Variants in GRK3 observed in about 807,000 individuals in gnomAD.
The protein encoded by GRK3 is G protein-coupled receptor kinase 3.
GRK3 carries 54 observed loss-of-function variants against 95.7 expected under a neutral mutation model. That is an observed-to-expected ratio of 0.56 (90% CI 0.45 to 0.71). The LOEUF (loss-of-function observed/expected upper bound fraction) is 0.71, where lower values mean the gene tolerates loss of function less well. Among genes scored for constraint, GRK3 ranks in the 30% least tolerant of loss-of-function variants. The probability of loss-of-function intolerance (pLI) is 0.00; values close to 1 mark genes in which losing one functional copy is unlikely to be tolerated. For missense variants in GRK3, 649 were observed against 851.2 expected (o/e 0.76, Z 2.96); for synonymous variants, 281 against 290.8 (o/e 0.97, Z 0.34).
intron 13 of GRK3, among the ~76,000 whole-genome samples, chr22:25,695,582 C>T (rs1270260099): frequency 6.6e-5 from 10 of 152,102 alleles, no homozygotes; most frequent in Admixed American, 6.5e-4. Flanking sequence ...ATTAATTATT[C>T]ATCATCTTGA....
chr22:25,699,901 T>G (rs1274085809), intron 13 of GRK3, among the ~76,000 whole-genome samples: 1 of 152,076 alleles, frequency 6.6e-6, no homozygotes, highest in Non-Finnish European at 1.5e-5. Context: ...GGCATCACTG[T>G]GTTAGCCAGG....
At chr22:25,619,649 AGTTT>A (rs1341041113) in intron 2 of GRK3, among the ~76,000 whole-genome samples, 15 of 127,064 alleles carry the variant, frequency 1.2e-4, no homozygotes, top group African/African-American at 4.3e-4. Context: ...ATACCTGGCT[AGTTT>A]TTTTTTTTTT....
intron 10 of GRK3, among the ~76,000 whole-genome samples, chr22:25,686,182 A>G (rs1405435047): frequency 6.6e-6 from 1 of 151,782 alleles, no homozygotes; most frequent in Non-Finnish European, 1.5e-5. Context: ...AGATTACGCC[A>G]CTGCACTCCA....
At chr22:25,609,320 G>A (rs2084477106) in intron 2 of GRK3, among the ~76,000 whole-genome samples, 1 of 151,764 alleles carries the variant, frequency 6.6e-6, no homozygotes, top group Non-Finnish European at 1.5e-5. Context: ...ACTATAAGAA[G>A]ACTCCAAAAC....
rs2085453537 is a variant in GRK3, at chr22:25,723,850, G to A, written c.*1400G>A. On this transcript the variant is annotated 3_prime_UTR_variant, in exon 21 of 21. Coordinates refer to ENST00000324198, the MANE Select transcript of GRK3 (RefSeq NM_005160.4). ...ATCTTTGTTTTTGTATTTGTTTGCT[G>A]TGTTCATGGGCAAAGTAAGTACTTT... 1.3e-5 allele frequency: 2 copies of A among 151,888 alleles called. No individual in the cohort carries two copies. The highest frequency in any genetic ancestry group is 4.8e-5 in the African/African-American group (2 of 41,420). The allele number at this position is 151,888 out of a possible 1,614,324, so 9.4% of individuals were successfully genotyped here. A position where few individuals can be genotyped will look rare whatever the true frequency, so the allele number is the denominator to read the frequency against.
intron 3 of GRK3, among the ~76,000 whole-genome samples, chr22:25,653,736 C>G (rs2084850460): frequency 6.6e-6 from 1 of 152,100 alleles, no homozygotes; most frequent in African/African-American, 2.4e-5. Context: ...CTCTGTTGCC[C>G]AGGCAATGCA....
At chr22:25,566,478 G>A (rs1931491337) in intron 1 of GRK3, among the ~76,000 whole-genome samples, 2 of 152,166 alleles carry the variant, frequency 1.3e-5, no homozygotes, top group Non-Finnish European at 2.9e-5. Flanking sequence ...ATGAAGACAT[G>A]CTTGCTAGGT....
At chr22:25,670,894 A>G (rs1442846304) in intron 6 of GRK3, among the ~76,000 whole-genome samples, 2 of 149,722 alleles carry the variant, frequency 1.3e-5, no homozygotes, top group African/African-American at 4.9e-5. Flanking sequence ...AAAAAAAAAA[A>G]AAAAAAAAAA....
intron 20 of GRK3, 76 bp downstream of exon 20, chr22:25,721,473 C>T: frequency 1.2e-6 from 1 of 835,938 alleles, no homozygotes; most frequent in Non-Finnish European, 2.0e-6. Flanking sequence ...GTCTATAAAA[C>T]ATTTTCTTAT....
chr22:25,697,561 C>T (rs1444684168), intron 13 of GRK3, among the ~76,000 whole-genome samples: 9 of 152,152 alleles, frequency 5.9e-5, no homozygotes, highest in African/African-American at 2.2e-4. Flanking sequence ...ATGATGGCCT[C>T]CGTGGGAAGA....
intron 1 of GRK3, among the ~76,000 whole-genome samples, chr22:25,587,516 C>T (rs1210372362): frequency 2.0e-5 from 3 of 152,172 alleles, no homozygotes; most frequent in East Asian, 1.9e-4. Flanking sequence ...GCAATCTCTG[C>T]CTCCCAGGCT....
At chr22:25,629,232 A>G (rs75410033) in intron 2 of GRK3, among the ~76,000 whole-genome samples, 3,402 of 152,292 alleles carry the variant, frequency 0.022, 60 homozygotes, top group Middle Eastern at 0.068. Flanking sequence ...AAGGTGTAGC[A>G]GGTGTTAACC....
At chr22:25,608,016 G>A (rs371684550) in intron 2 of GRK3, among the ~76,000 whole-genome samples, 3,000 of 151,590 alleles carry the variant, frequency 0.02, 47 homozygotes, top group Non-Finnish European at 0.028. Flanking sequence ...TGTGTACGTC[G>A]TAGCAGGAGG....
chr22:25,651,502 T>C (rs1197342538), intron 3 of GRK3, among the ~76,000 whole-genome samples: 4 of 152,232 alleles, frequency 2.6e-5, no homozygotes, highest in Non-Finnish European at 5.9e-5. Context: ...CTGCTTAGTA[T>C]TGACTCTCTA....
chr22:25,628,893 C>T (rs1569170319), intron 2 of GRK3, among the ~76,000 whole-genome samples: 1 of 152,102 alleles, frequency 6.6e-6, no homozygotes, highest in Non-Finnish European at 1.5e-5. Context: ...TTCTTAACAG[C>T]CGTGGCCCAG....
Position 25,581,889 on chromosome 22 carries a change from G to A in GRK3, c.113+16736G>A, listed in dbSNP as rs1376983761. Among the ~76,000 whole-genome samples, 5 of 151,718 alleles carry A rather than the reference G, an allele frequency of 3.3e-5. No homozygotes were observed. In the East Asian group the frequency reaches 9.7e-4, roughly 29 times the overall value. ...TCCATGCCTAATGAAACCTTGCAAT[G>A]TAAGTCTCTCTTATTAAAATTATGT... On this transcript the variant is annotated intron_variant, in intron 1 of 20. Coordinates refer to ENST00000324198, the MANE Select transcript of GRK3 (RefSeq NM_005160.4).
intron 13 of GRK3, among the ~76,000 whole-genome samples, chr22:25,703,284 G>T (rs2085272601): frequency 1.3e-5 from 2 of 152,196 alleles, no homozygotes; most frequent in Admixed American, 6.5e-5. Context: ...CAAGTTCACT[G>T]AAGTGAGATT....
chr22:25,643,406 A>G (rs575547263), intron 2 of GRK3, among the ~76,000 whole-genome samples: 6 of 152,360 alleles, frequency 3.9e-5, no homozygotes, highest in Admixed American at 6.5e-5. Context: ...AGGGGAATTT[A>G]TGGATCAGTT....
chr22:25,624,488 C>T (rs570816680), intron 2 of GRK3, among the ~76,000 whole-genome samples: 40 of 152,140 alleles, frequency 2.6e-4, no homozygotes, highest in African/African-American at 6.5e-4. Context: ...GACGTGAACC[C>T]GGGAGGTGGA....
Sources: gnomAD v4.1 joint callset for allele counts (sites outside exome capture counted in the v4.1 genomes callset) on GRCh38, gnomAD v4.1.1 for gene constraint, MANE v1.5 for transcripts, NCBI Gene and HGNC (gene_info 2026-07-23, HGNC 2026-07-21) for gene names.